Variants in RSPO4 observed in about 807,000 individuals in gnomAD.
The protein encoded by RSPO4 is R-spondin 4.
A neutral mutation model predicts 24.8 loss-of-function variants in RSPO4; 23 were observed. The observed-to-expected ratio is 0.93, with a 90% CI of 0.67 to 1.31. The LOEUF (loss-of-function observed/expected upper bound fraction) is 1.31. Among genes scored for constraint, RSPO4 ranks in the 40% most tolerant of loss-of-function variants. The pLI is 0.00. For synonymous variants in RSPO4, 141 were observed against 127.4 expected (o/e 1.11, Z -0.72); for missense variants, 333 against 316.5 (o/e 1.05, Z -0.39).
chr20:989,537 A>C (rs1174107195), intron 1 of RSPO4, among the ~76,000 whole-genome samples: 1 of 152,038 alleles, frequency 6.6e-6, no homozygotes, highest in Non-Finnish European at 1.5e-5. Flanking sequence ...AGTAGGGAGG[A>C]GTTGAATGAG....
At chr20:979,065 T>C (rs1369732782) in intron 1 of RSPO4, among the ~76,000 whole-genome samples, 3 of 152,080 alleles carry the variant, frequency 2.0e-5, no homozygotes, top group African/African-American at 7.2e-5. Context: ...GGCATCCTTG[T>C]CTCTTCTCTC....
rs571838088 is a variant in RSPO4, at chr20:981,112, G to A, written c.80-12974C>T. Among the ~76,000 whole-genome samples the A allele has an allele frequency of 1.9e-4, 29 of 152,310 alleles. No homozygotes were observed. In the South Asian group the frequency reaches 5.2e-3, roughly 27 times the overall value. On this transcript the variant is annotated intron_variant, in intron 1 of 4. Transcript: ENST00000217260. This position sits in a 1 kb window ranked among gnomAD's most constrained non-coding sequence, Gnocchi z 4.6. ...GCTCAAAGACCAACAATTATAGGTG[G>A]TGGCATTAGATTTAAACCCACAGCT...
At chr20:986,514 G>A (rs1482342803) in intron 1 of RSPO4, among the ~76,000 whole-genome samples, 1 of 152,094 alleles carries the variant, frequency 6.6e-6, no homozygotes, top group Admixed American at 6.5e-5. Context: ...GATGGGAAAG[G>A]AGAGCTTCAA....
intron 1 of RSPO4, among the ~76,000 whole-genome samples, chr20:990,372 T>A (rs1340122435): frequency 6.6e-6 from 1 of 152,166 alleles, no homozygotes; most frequent in African/African-American, 2.4e-5. Context: ...GAGCCCTTAG[T>A]AGCAACCTCC....
rs371338933 is a variant in RSPO4 at position 989,397 on chromosome 20, C to A, written c.79+12689G>T. On this transcript the variant is annotated intron_variant, in intron 1 of 4. Transcript: ENST00000217260. ...CTTGCAGGGTAAAGTGAGGTAATAA[C>A]CTGCGGAGCACCTGGCTGTGTGCCC... Among the ~76,000 whole-genome samples, 4 of 152,318 alleles carry A rather than the reference C, an allele frequency of 2.6e-5. No individual in the cohort carries two copies. The South Asian group carries it at 8.3e-4, about 32-fold the overall frequency.
chr20:987,817 C>A (rs1426964049), intron 1 of RSPO4, among the ~76,000 whole-genome samples: 1 of 152,008 alleles, frequency 6.6e-6, no homozygotes, highest in Non-Finnish European at 1.5e-5. Context: ...AAAATGGACA[C>A]AATCACCCAC....
At chr20:1,001,972 A>T (rs780593417) in intron 1 of RSPO4, 114 bp downstream of exon 1, 16 of 822,996 alleles carry the variant, frequency 1.9e-5, no homozygotes, top group Non-Finnish European at 2.9e-5. Flanking sequence ...GGAGCGAAGG[A>T]CCCAGGGCGC....
chr20:968,695 A>G (rs1884108), intron 1 of RSPO4, among the ~76,000 whole-genome samples: 9,946 of 152,282 alleles, frequency 0.065, 759 homozygotes, highest in East Asian at 0.22. Flanking sequence ...GTGGGTGCAC[A>G]TGATGAGTGG....
chr20:963,990 G>A lies in RSPO4; in HGVS notation c.540C>T (p.Thr180=), dbSNP rs1287671391. The stretch of plus-strand genomic sequence containing the variant: ...TCCTTGACTCAGAAAGCACCTGGCA[G>A]GTGGCTGCCTCCTCATGCCCAGCCC... ...AGRAGHEEAA[T]CQVLSESRKC... is the part of the protein sequence containing the mutation. The change falls in exon 4 of 5, where the codon ACC becomes ACT. Residue 180 remains threonine (T), a synonymous_variant. Coordinates refer to ENST00000217260, the MANE Select transcript of RSPO4 (RefSeq NM_001029871.4). 2.5e-6 allele frequency: 4 copies of A among 1,614,000 alleles called. No homozygotes were observed. Among genetic ancestry groups the A allele is most frequent in the South Asian group, 1.1e-5 (1 of 91,080 alleles).
chr20:960,373 G>A lies in RSPO4; in HGVS notation c.689C>T (p.Pro230Leu), dbSNP rs375728608. 1.6e-4 allele frequency: 242 copies of A among 1,536,952 alleles called. 2 individuals carry two copies. In the African/African-American group the frequency reaches 3.1e-3, roughly 20 times the overall value. The change falls in exon 5 of 5, where the codon CCC becomes CTC. Residue 230 changes from proline to leucine, a missense_variant. Physicochemically the swap from Pro to Leu is moderately conservative, Grantham distance 98. Coordinates refer to ENST00000217260, the MANE Select transcript of RSPO4 (RefSeq NM_001029871.4). ...AGCCGGCGGTCAGGGCTGCAGGCCG[G>A]GCTGGCGCGGCCTCACGTCCAGCCT... ...DRRLDVRPRQ[P>L]GLQP
rs1365086013 is a variant in RSPO4 at position 981,927 on chromosome 20, A to C, written c.80-13789T>G. 6.6e-6 allele frequency among the ~76,000 whole-genome samples: 1 copy of C among 151,900 alleles called. No individual in the cohort carries two copies. The highest frequency in any genetic ancestry group is 2.4e-5 in the African/African-American group (1 of 41,344). ...ACATCAACCAAATCTCTGCTTCCCC[A>C]TTCTCCTGGACCTGCCCTGGACCAC... On this transcript the variant is annotated intron_variant, in intron 1 of 4. Coordinates refer to ENST00000217260, the MANE Select transcript of RSPO4 (RefSeq NM_001029871.4). This position sits in a 1 kb window ranked among gnomAD's most constrained non-coding sequence, Gnocchi z 4.6.
chr20:982,962 A>AT (rs1272919606), intron 1 of RSPO4, among the ~76,000 whole-genome samples: 2 of 152,066 alleles, frequency 1.3e-5, no homozygotes, highest in African/African-American at 2.4e-5. Context: ...TGTCACAGGG[A>AT]TTGGGGGCAA....
intron 3 of RSPO4, among the ~76,000 whole-genome samples, chr20:964,343 A>G (rs1017140997): frequency 1.3e-5 from 2 of 152,212 alleles, no homozygotes; most frequent in Non-Finnish European, 2.9e-5. Flanking sequence ...CCGACTGTCT[A>G]GCTTTAAAGG....
In RSPO4 at chr20:959,106, A is replaced by C. The variant is rs1600085049; in HGVS notation, c.*1251T>G. On this transcript the variant is annotated 3_prime_UTR_variant, in exon 5 of 5. Transcript: ENST00000217260. ...GCGAGTGTGGTGGTGGGTGTGGGGG[A>C]GTGTGGTGGTGGGTGTGGGGCAGTG... The C allele has an allele frequency of 9.1e-6, 1 of 109,856 alleles. No homozygotes were observed. Among genetic ancestry groups the C allele is most frequent in the African/African-American group, 3.7e-5 (1 of 26,958 alleles). The allele number at this position is 109,856 out of a possible 1,614,324, so 6.8% of individuals were successfully genotyped here. A position where few individuals can be genotyped will look rare whatever the true frequency, so the allele number is the denominator to read the frequency against.
intron 1 of RSPO4, among the ~76,000 whole-genome samples, chr20:976,258 C>G (rs777464884): frequency 6.6e-6 from 1 of 152,230 alleles, no homozygotes; most frequent in African/African-American, 2.4e-5. Flanking sequence ...CAACCAACAT[C>G]TGGACCCTTG....
At chr20:1,000,474 C>T (rs142511187) in intron 1 of RSPO4, among the ~76,000 whole-genome samples, 3,062 of 152,290 alleles carry the variant, frequency 0.02, 51 homozygotes, top group Middle Eastern at 0.11. Flanking sequence ...CTTAGCTACT[C>T]ATCTTGCCCA....
chr20:998,960 G>A (rs1985379507), intron 1 of RSPO4, among the ~76,000 whole-genome samples: 1 of 151,594 alleles, frequency 6.6e-6, no homozygotes, highest in Middle Eastern at 3.2e-3. Flanking sequence ...TAATATGTTT[G>A]GGAAAGGTCA....
Position 984,646 on chromosome 20 carries a change from C to T in RSPO4, c.80-16508G>A, listed in dbSNP as rs368116978. The stretch of plus-strand genomic sequence containing the variant: ...CACAAAGTGAGCATCTTCAAGGACC[C>T]TATTCTGGGTCTGGTCTCTCCCCAT... On this transcript the variant is annotated intron_variant, in intron 1 of 4. Transcript: ENST00000217260. 1.6e-3 allele frequency among the ~76,000 whole-genome samples: 240 copies of T among 152,304 alleles called. 1 individual carries two copies. The highest frequency in any genetic ancestry group is 5.4e-3 in the African/African-American group (224 of 41,558).
chr20:987,122 G>A (rs986544015), intron 1 of RSPO4, among the ~76,000 whole-genome samples: 2 of 152,162 alleles, frequency 1.3e-5, no homozygotes, highest in Non-Finnish European at 2.9e-5. Context: ...TCATGGGAGG[G>A]GAGGAGCTAG....
Sources: gnomAD v4.1 joint callset for allele counts (sites outside exome capture counted in the v4.1 genomes callset) on GRCh38, gnomAD v4.1.1 for gene constraint, Gnocchi (gnomAD v3.1) non-coding constraint, MANE v1.5 for transcripts, NCBI Gene and HGNC (gene_info 2026-07-23, HGNC 2026-07-21) for gene names.